The following HIGD1C variants were observed in gnomAD, a reference collection of about 807,000 sequenced individuals.
HIGD1C encodes HIG1 hypoxia inducible domain family member 1C.
Under a neutral mutation model 13.1 loss-of-function variants are expected in HIGD1C, and 11 were observed. The observed-to-expected ratio is 0.84, with a 90% confidence interval of 0.53 to 1.39. The LOEUF (loss-of-function observed/expected upper bound fraction) is 1.39. Ranked by LOEUF, HIGD1C falls within the 40% of genes most tolerant of loss-of-function variation. The pLI, the probability that HIGD1C is intolerant of heterozygous loss-of-function variation, is 0.00. For synonymous variants in HIGD1C, 36 were observed against 37.7 expected (o/e 0.95, Z 0.17); for missense variants, 110 against 112.0 (o/e 0.98, Z 0.08).
At chr12:50,953,855 A>AT (rs1440346766), upstream of HIGD1C, 1 of 558,680 alleles carries the variant, frequency 1.8e-6, no homozygotes, top group African/African-American at 1.9e-5. Flanking sequence ...AGGAAAGACA[A>AT]TTGTTTCAGT....
chr12:50,965,840 C>T (rs1346349739), intron 2 of HIGD1C, among the ~76,000 whole-genome samples: 1 of 152,200 alleles, frequency 6.6e-6, no homozygotes, highest in Non-Finnish European at 1.5e-5. Context: ...GTCTGTCGAA[C>T]ATGGTCTTTC....
At chr12:50,967,076 T>G (rs532276020) in intron 2 of HIGD1C, among the ~76,000 whole-genome samples, 28 of 150,812 alleles carry the variant, frequency 1.9e-4, no homozygotes, top group South Asian at 8.4e-4. Flanking sequence ...ATCACACCAC[T>G]GCACTTCAGC....
intron 2 of HIGD1C, among the ~76,000 whole-genome samples, chr12:50,965,753 T>C (rs750008752): frequency 1.3e-5 from 2 of 152,204 alleles, no homozygotes; most frequent in Non-Finnish European, 1.5e-5. Flanking sequence ...TTTCCCTTCC[T>C]TGGTGAACAG....
At chr12:50,934,545 C>T in the HIGD1C span, among the ~76,000 whole-genome samples, 1 of 152,166 alleles carries the variant, frequency 6.6e-6, no homozygotes, top group Non-Finnish European at 1.5e-5. Flanking sequence ...TCCCTGCCTG[C>T]GTGGAGCATA....
At chr12:50,947,276 A>G in the HIGD1C span, among the ~76,000 whole-genome samples, 1 of 152,336 alleles carries the variant, frequency 6.6e-6, no homozygotes, top group Non-Finnish European at 1.5e-5. Context: ...AAACACCACA[A>G]ACTTTTCATG....
At chr12:50,935,413 A>C in the HIGD1C span, 2 of 152,352 alleles carry the variant, frequency 1.3e-5, no homozygotes, top group East Asian at 3.9e-4. Flanking sequence ...AAAGGAAACC[A>C]TCTTGGGAAC....
chr12:50,934,966 A>G, the HIGD1C span: 3 of 152,174 alleles, frequency 2.0e-5, no homozygotes, highest in Non-Finnish European at 4.4e-5. Flanking sequence ...TTTATTCCCA[A>G]GTGTTCTAAT....
chr12:50,944,661 T>C, the HIGD1C span, among the ~76,000 whole-genome samples: 3 of 152,164 alleles, frequency 2.0e-5, no homozygotes, highest in Non-Finnish European at 2.9e-5. Flanking sequence ...CTGAGACAGG[T>C]GGATCACCTG....
chr12:50,948,862 AGGAGGGG>A, the HIGD1C span, among the ~76,000 whole-genome samples: 1 of 15,686 alleles, frequency 6.4e-5, no homozygotes, highest in Non-Finnish European at 1.1e-4. Context: ...CAGAGCGAGG[AGGAGGGG>A]GGAGGGGAGG....
the HIGD1C span, among the ~76,000 whole-genome samples, chr12:50,938,506 AG>A: frequency 2.0e-5 from 3 of 152,180 alleles, no homozygotes; most frequent in African/African-American, 7.2e-5. Context: ...CCAGGAGTGC[AG>A]GGCTGGTGCC....
upstream of HIGD1C, among the ~76,000 whole-genome samples, chr12:50,952,676 G>C (rs553476303): frequency 6.6e-6 from 1 of 152,262 alleles, no homozygotes; most frequent in African/African-American, 2.4e-5. Flanking sequence ...TGCAGCTCGA[G>C]GCTTTGCAGG....
At chr12:50,933,945 A>C in the HIGD1C span, among the ~76,000 whole-genome samples, 1 of 152,176 alleles carries the variant, frequency 6.6e-6, no homozygotes, top group Non-Finnish European at 1.5e-5. Flanking sequence ...ATCCAATCAG[A>C]TCATGCCTCA....
chr12:50,961,116 T>C lies in HIGD1C; in HGVS notation c.229+14T>C, dbSNP rs376053207. 3.2e-4 allele frequency: 520 copies of C among 1,613,186 alleles called. No homozygotes were observed. Among genetic ancestry groups the C allele is most frequent in the Non-Finnish European group, 3.9e-4 (455 of 1,179,540 alleles). The stretch of plus-strand genomic sequence containing the variant: ...CTGTGACTCTAGGTAACCCGCTTAA[T>C]TTGTATCTTATGTTCAGCTGTCTTT... On this transcript the variant is annotated intron_variant, in intron 2 of 2. Coordinates refer to ENST00000398455, the Ensembl canonical transcript of HIGD1C.
At chr12:50,961,808 G>A (rs1481144689) in intron 2 of HIGD1C, among the ~76,000 whole-genome samples, 2 of 152,130 alleles carry the variant, frequency 1.3e-5, no homozygotes, top group East Asian at 3.9e-4. Context: ...GTCATCCTGC[G>A]TAGGATGGAA....
At chr12:50,970,160 C>G (rs1441940553) in intron 2 of HIGD1C, among the ~76,000 whole-genome samples, 2 of 152,210 alleles carry the variant, frequency 1.3e-5, no homozygotes, top group African/African-American at 2.4e-5. Flanking sequence ...ATCTTCACAT[C>G]TGGTCAAATT....
chr12:50,958,699 G>A (rs1237045020), intron 1 of HIGD1C, among the ~76,000 whole-genome samples: 1 of 150,918 alleles, frequency 6.6e-6, no homozygotes, highest in African/African-American at 2.5e-5. Context: ...GTCAAATGCA[G>A]GGATTAATGG....
At chr12:50,966,800 G>A (rs1939556599) in intron 2 of HIGD1C, among the ~76,000 whole-genome samples, 1 of 142,896 alleles carries the variant, frequency 7.0e-6, no homozygotes, top group South Asian at 2.4e-4. Context: ...TCCTTCTAAA[G>A]CAATGGTTTA....
At chr12:50,933,475 C>T in the HIGD1C span, among the ~76,000 whole-genome samples, 3 of 152,336 alleles carry the variant, frequency 2.0e-5, no homozygotes, top group East Asian at 1.9e-4. Flanking sequence ...GAAAATCATA[C>T]AGGCAGAAAG....
the HIGD1C span, among the ~76,000 whole-genome samples, chr12:50,941,799 C>T: frequency 0.13 from 19,509 of 152,154 alleles, 1,716 homozygotes; most frequent in East Asian, 0.42. Flanking sequence ...TTCTGGCTAT[C>T]AACCAGGACT....
Sources: gnomAD v4.1 joint callset for allele counts (sites outside exome capture counted in the v4.1 genomes callset) on GRCh38, gnomAD v4.1.1 for gene constraint, MANE v1.5 for transcripts, NCBI Gene and HGNC (gene_info 2026-07-23, HGNC 2026-07-21) for gene names.